KIF20B: variants seen among roughly 807,000 people sequenced by gnomAD.
KIF20B encodes kinesin-like protein KIF20B.
A neutral mutation model predicts 232.5 loss-of-function variants in KIF20B; 188 were observed. That is an observed-to-expected ratio of 0.81 (90% CI 0.72 to 0.91). The LOEUF (loss-of-function observed/expected upper bound fraction) is 0.91. KIF20B is among the 40% of genes least tolerant of loss of function. KIF20B has a pLI of 0.00. For missense variants in KIF20B, 2,154 were observed against 2,055.9 expected, an observed-to-expected ratio of 1.05 and a Z score of -0.92; for synonymous variants, 712 against 683.0, an observed-to-expected ratio of 1.04 and a Z score of -0.66.
intron 32 of KIF20B, 94 bp from the exon 33 acceptor site, chr10:89,773,877 C>T: frequency 1.7e-6 from 1 of 580,290 alleles, no homozygotes. Flanking sequence ...ATTTCAGTTA[C>T]TAAGCACATG....
intron 21 of KIF20B, among the ~76,000 whole-genome samples, chr10:89,739,301 A>G (rs7901438): frequency 0.31 from 47,407 of 151,978 alleles, 8,371 homozygotes; most frequent in African/African-American, 0.47. Context: ...AGAAATATGT[A>G]CCTTATGAAA....
At chr10:89,748,561 G>A (rs574118541) in intron 23 of KIF20B, among the ~76,000 whole-genome samples, 77 of 152,262 alleles carry the variant, frequency 5.1e-4, no homozygotes, top group Non-Finnish European at 9.3e-4. Context: ...GGTTAACTTG[G>A]ATGGGTAACT....
chr10:89,728,637 T>A (rs1208574817), intron 17 of KIF20B, among the ~76,000 whole-genome samples: 3 of 151,930 alleles, frequency 2.0e-5, no homozygotes, highest in Non-Finnish European at 2.9e-5. Context: ...TCCCAAGTAG[T>A]TAGGGTTACA....
At position 89,755,524 on chromosome 10, in the gene KIF20B, T is replaced by C. The variant is rs919813937; in HGVS notation, c.4503+851T>C. 1.4e-4 allele frequency among the ~76,000 whole-genome samples: 20 copies of C among 146,084 alleles called. No individual in the cohort carries two copies. In the East Asian group the frequency reaches 1.7e-3, roughly 12 times the overall value. On this transcript the variant is annotated intron_variant, in intron 26 of 32. Transcript: ENST00000371728. ...TTCCTTTTCTTCATCCTGTCCTCCTTCTTCCTTTCCTTCCTTTCTCCTTTC... is the reference window on the plus strand; with the variant it reads ...TTCCTTTTCTTCATCCTGTCCTCCTCCTTCCTTTCCTTCCTTTCTCCTTTC...
At chr10:89,765,845 C>T (rs1252423290) in intron 29 of KIF20B, among the ~76,000 whole-genome samples, 2 of 152,130 alleles carry the variant, frequency 1.3e-5, no homozygotes, top group Non-Finnish European at 2.9e-5. Context: ...TCTCTTCTGG[C>T]TTGTAGAGTT....
rs1055692430 is a variant in KIF20B at position 89,774,754 on chromosome 10, G to A, written c.*706G>A. On this transcript the variant is annotated 3_prime_UTR_variant, in exon 33 of 33. Coordinates refer to ENST00000371728, the MANE Select transcript of KIF20B (RefSeq NM_001284259.2). ...TATTATTGATTATAGTCACTCTATT[G>A]TGCTATCAGATAGTAGATCATTCTT... 14 of 151,958 alleles carry A rather than the reference G, an allele frequency of 9.2e-5. No homozygotes were observed. The highest frequency in any genetic ancestry group is 1.8e-4 in the Non-Finnish European group (12 of 67,880). 9.4% of individuals were successfully genotyped at this position (151,958 alleles called of 1,614,324 possible). A position where few individuals can be genotyped will look rare whatever the true frequency, so the allele number is the denominator to read the frequency against.
At chr10:89,765,194 G>C (rs947776830) in intron 29 of KIF20B, among the ~76,000 whole-genome samples, 12 of 152,222 alleles carry the variant, frequency 7.9e-5, no homozygotes, top group Non-Finnish European at 1.3e-4. Flanking sequence ...TCAAAGATCA[G>C]ATAGTTGTAG....
intron 6 of KIF20B, 78 bp from the exon 7 acceptor site, chr10:89,713,969 G>A: frequency 1.7e-6 from 1 of 590,894 alleles, no homozygotes; most frequent in Non-Finnish European, 2.8e-6. Flanking sequence ...TGACTTATTT[G>A]GATAGGTAAT....
Position 89,738,948 on chromosome 10 carries a change from T to C in KIF20B, c.3777-10T>C, listed in dbSNP as rs1211702410. 6.2e-7 allele frequency: 1 copy of C among 1,607,740 alleles called. No individual in the cohort carries two copies. The highest frequency in any genetic ancestry group is 1.7e-5 in the Admixed American group (1 of 57,938). ...TGCATTACCATAGAAAAGTGGTTTA[T>C]GTTTTTTAGATTGAAAGAGGAACTC... is the stretch of plus-strand genomic sequence containing the variant. On this transcript the variant is annotated splice_polypyrimidine_tract_variant and intron_variant, in intron 20 of 32. Transcript: ENST00000371728.
chr10:89,750,456 C>T (rs1841998824), intron 23 of KIF20B, among the ~76,000 whole-genome samples: 1 of 152,164 alleles, frequency 6.6e-6, no homozygotes, highest in Admixed American at 6.5e-5. Flanking sequence ...AAAAACTGCT[C>T]ATACAGTTTT....
At position 89,725,066 on chromosome 10, in the gene KIF20B, C is replaced by T. The variant is rs375544106; in HGVS notation, c.1909C>T (p.Arg637Cys). The T allele has an allele frequency of 9.5e-5, 153 of 1,613,374 alleles. No homozygotes were observed. The highest frequency in any genetic ancestry group is 1.2e-4 in the Non-Finnish European group (139 of 1,179,590). Reference protein sequence around the residue: ...EREILEENAERRLAIFKDLVG... With the variant: ...EREILEENAECRLAIFKDLVG... ...AGAGATATTAGAAGAAAATGCTGAA[C>T]GTCGTTTGGCTATCTTCAAGGATTT... Residue 637 changes from arginine (R) to cysteine (C), a missense_variant, in exon 15 of 33, where the codon CGT (arginine) becomes TGT (cysteine). By Grantham distance (180) the Arg-to-Cys change is radical (BLOSUM62 -3). Coordinates refer to ENST00000371728, the MANE Select transcript of KIF20B (RefSeq NM_001284259.2).
In KIF20B at chr10:89,774,040, G is replaced by A. The variant is rs775213487; in HGVS notation, c.5455G>A (p.Ala1819Thr). 1.3e-6 allele frequency: 2 copies of A among 1,575,334 alleles called. No individual in the cohort carries two copies. Among genetic ancestry groups the A allele is most frequent in the Non-Finnish European group, 1.7e-6 (2 of 1,156,302 alleles). Residue 1819 changes from alanine to threonine, a missense_variant, in exon 33 of 33, where the codon GCC becomes ACC. By Grantham distance (58) the Ala-to-Thr change is moderately conservative (BLOSUM62 0). Coordinates refer to ENST00000371728, the MANE Select transcript of KIF20B (RefSeq NM_001284259.2). ...CAAACGACGACTTCGAACAAAAACAGCCAAATAAATCACTTATGGAAATGT... is the reference window on the plus strand; with the variant it reads ...CAAACGACGACTTCGAACAAAAACAACCAAATAAATCACTTATGGAAATGT... ...IIKRRLRTKT[A>T]K
chr10:89,727,803 T>TA (rs1418591354), intron 16 of KIF20B, 53 bp from the exon 17 acceptor site: 3 of 1,407,146 alleles, frequency 2.1e-6, no homozygotes, highest in Non-Finnish European at 2.9e-6. Flanking sequence ...TATTCAGTGA[T>TA]ACATATTTTT....
At chr10:89,727,946 G>A (rs749745922) in intron 17 of KIF20B, 50 bp downstream of exon 17, 10 of 1,451,186 alleles carry the variant, frequency 6.9e-6, no homozygotes, top group African/African-American at 2.9e-5. Flanking sequence ...AATTAACAAA[G>A]GGGTATGAAT....
At chr10:89,757,069 T>TACACACACAC (rs1554852937) in intron 26 of KIF20B, among the ~76,000 whole-genome samples, 5 of 134,366 alleles carry the variant, frequency 3.7e-5, no homozygotes, top group African/African-American at 1.4e-4. Flanking sequence ...TATATATATA[T>TACACACACAC]ACACACATGA....
intron 19 of KIF20B, among the ~76,000 whole-genome samples, chr10:89,735,284 G>A (rs536660743): frequency 1.4e-4 from 21 of 152,188 alleles, no homozygotes; most frequent in African/African-American, 4.8e-4. Context: ...AAGAACATAT[G>A]TGGTATAGTT....
At chr10:89,710,836 C>T in intron 5 of KIF20B, 125 bp from the exon 6 acceptor site, 1 of 607,958 alleles carries the variant, frequency 1.6e-6, no homozygotes, top group East Asian at 3.0e-5. Flanking sequence ...TAATCCTTAG[C>T]TATCATTTCC....
intron 13 of KIF20B, among the ~76,000 whole-genome samples, chr10:89,722,057 G>A (rs1843070694): frequency 6.6e-6 from 1 of 152,128 alleles, no homozygotes; most frequent in South Asian, 2.1e-4. Flanking sequence ...GACCACAGAT[G>A]CATGCCACCA....
intron 23 of KIF20B, among the ~76,000 whole-genome samples, chr10:89,746,722 C>G (rs541599067): frequency 5.3e-5 from 8 of 152,324 alleles, no homozygotes; most frequent in African/African-American, 1.9e-4. Flanking sequence ...CCCAGCACTT[C>G]CCTGCCTGCC....
Sources: gnomAD v4.1 joint callset for allele counts (sites outside exome capture counted in the v4.1 genomes callset) on GRCh38, gnomAD v4.1.1 for gene constraint, MANE v1.5 for transcripts, NCBI Gene and HGNC (gene_info 2026-07-23, HGNC 2026-07-21) for gene names.